The following HEATR6 variants were observed in gnomAD, a reference collection of about 807,000 sequenced individuals.
HEATR6 encodes HEAT repeat containing 6.
HEATR6 carries 106 observed loss-of-function variants against 132.8 expected under a neutral mutation model. The ratio of observed to expected loss-of-function variants is 0.80; its 90% CI spans 0.68 to 0.94. The LOEUF (loss-of-function observed/expected upper bound fraction) is 0.94. HEATR6 is among the 40% of genes least tolerant of loss of function. HEATR6 has a pLI of 0.00. For synonymous variants in HEATR6, 529 were observed against 537.8 expected (o/e 0.98, Z 0.23); for missense variants, 1,339 against 1,425.1 (o/e 0.94, Z 0.97).
At position 60,076,236 on chromosome 17, in the gene HEATR6, T is replaced by C. The variant is rs750915401; in HGVS notation, c.221A>G (p.Asp74Gly). The change falls in exon 2 of 20, where the codon GAC becomes GGC. Residue 74 changes from aspartate (D) to glycine (G), a missense_variant and splice_region_variant. Coordinates refer to ENST00000184956, the MANE Select transcript of HEATR6 (RefSeq NM_022070.5). ...AGCCTGGACAAGAAGAGCACTAACGTCCTACCAAAAAAAAAAAGATAAGAG... is the reference window on the plus strand; with the variant it reads ...AGCCTGGACAAGAAGAGCACTAACGCCCTACCAAAAAAAAAAAGATAAGAG... ...YSEGSGVAPEDVSALLVQACR... is the reference protein window; with the variant it reads ...YSEGSGVAPEGVSALLVQACR... 4.5e-6 allele frequency: 7 copies of C among 1,570,014 alleles called. No individual in the cohort carries two copies. In the African/African-American group the frequency reaches 9.6e-5, roughly 22 times the overall value.
rs527865988 is a variant in HEATR6, at chr17:60,060,633, A to C, written c.1417-537T>G. On this transcript the variant is annotated intron_variant, in intron 9 of 19. Coordinates refer to ENST00000184956, the MANE Select transcript of HEATR6 (RefSeq NM_022070.5). The stretch of plus-strand genomic sequence containing the variant: ...TGGGGTAGAAAAAACACATGTGCCT[A>C]GAGTCTGTTTCCTATTAAAGTTCCT... Among the ~76,000 whole-genome samples the C allele has an allele frequency of 2.0e-5, 3 of 152,338 alleles. No homozygotes were observed. The South Asian group carries it at 6.2e-4, about 32-fold the overall frequency.
At chr17:60,067,242 C>A (rs1280542036) in intron 8 of HEATR6, among the ~76,000 whole-genome samples, 192 bp downstream of exon 8, 1 of 144,266 alleles carries the variant, frequency 6.9e-6, no homozygotes, top group Non-Finnish European at 1.5e-5. Flanking sequence ...TGCACTCCAG[C>A]CTGGGCGACA....
At chr17:60,066,071 T>G (rs1432619433) in intron 9 of HEATR6, 138 bp downstream of exon 9, 2 of 684,000 alleles carry the variant, frequency 2.9e-6, no homozygotes, top group Non-Finnish European at 5.0e-6. Flanking sequence ...TTTTCCTGTC[T>G]GTCCAGTGGT....
rs763662691 is a variant in HEATR6, at chr17:60,056,150, C to T, written c.2167G>A (p.Glu723Lys). ...LGEVICKCMG[E>K]ADPSIQLHGA... The stretch of plus-strand genomic sequence containing the variant: ...TGAAGCTGAATGGATGGATCTGCTT[C>T]CCCCATGCACTTGCAAATCACCTCT... The change falls in exon 13 of 20, where the codon GAA becomes AAA. Residue 723 changes from glutamate to lysine, a missense_variant. Physicochemically the swap from Glu to Lys is moderately conservative, Grantham distance 56. Transcript: ENST00000184956. The T allele has an allele frequency of 2.5e-6, 4 of 1,613,932 alleles. No individual in the cohort carries two copies. In the Admixed American group the frequency reaches 6.7e-5, roughly 27 times the overall value.
At chr17:60,047,449 A>C (rs754915562) in intron 17 of HEATR6, 44 bp from the exon 18 acceptor site, 2 of 1,122,360 alleles carry the variant, frequency 1.8e-6, no homozygotes, top group Non-Finnish European at 2.7e-6. Flanking sequence ...AGGTAAATAC[A>C]CTTAAATATA....
intron 14 of HEATR6, among the ~76,000 whole-genome samples, chr17:60,054,358 A>T (rs1439014736): frequency 6.6e-6 from 1 of 152,250 alleles, no homozygotes; most frequent in Non-Finnish European, 1.5e-5. Context: ...ACAGGGACAG[A>T]GCCCCCACTG....
chr17:60,049,835 C>T, intron 15 of HEATR6, 133 bp from the exon 16 acceptor site: 1 of 952,462 alleles, frequency 1.0e-6, no homozygotes, highest in Non-Finnish European at 1.5e-6. Context: ...CTTGAGGCTA[C>T]CCTGGTAAAA....
At chr17:60,047,174 C>G (rs533339355) in intron 18 of HEATR6, 135 bp downstream of exon 18, 154 of 555,800 alleles carry the variant, frequency 2.8e-4, no homozygotes, top group Non-Finnish European at 4.4e-4. Context: ...CCTGAGCACA[C>G]CCTCAGTCTC....
Position 60,073,832 on chromosome 17 carries a change from T to C in HEATR6, c.382A>G (p.Ile128Val). ...DFLLAYTISAIHQCSSWTHRE... is the reference protein window; with the variant it reads ...DFLLAYTISAVHQCSSWTHRE... ...TGTGTCCAGGAACTACACTGATGAA[T>C]AGCCGAAATAGTATATGCCAACAGG... Residue 128 changes from isoleucine to valine, a missense_variant, in exon 3 of 20, where the codon ATT becomes GTT. Transcript: ENST00000184956. The C allele has an allele frequency of 6.2e-7, 1 of 1,613,990 alleles. No homozygotes were observed. The highest frequency in any genetic ancestry group is 8.5e-7 in the Non-Finnish European group (1 of 1,179,860).
In HEATR6 at chr17:60,072,290, AT is replaced by A; in HGVS notation, c.623del (p.Asn208MetfsTer8). 1 of 1,611,966 alleles carries A rather than the reference AT, an allele frequency of 6.2e-7. No individual in the cohort carries two copies. The highest frequency in any genetic ancestry group is 8.5e-7 in the Non-Finnish European group (1 of 1,178,526). ...TAGTCAGAAAAGCTTGGAAACAGAC[AT>A]TTTGGTAGGGCTCCTCCAAATACGG... ...GQPYLEEPYQ[N>X]VCFQAFLTIL... On this transcript the variant is annotated frameshift_variant, in exon 5 of 20. Coordinates refer to ENST00000184956, the MANE Select transcript of HEATR6 (RefSeq NM_022070.5). LOFTEE classifies it high-confidence loss of function.
intron 9 of HEATR6, 44 bp downstream of exon 9, chr17:60,066,165 A>T: frequency 6.7e-7 from 1 of 1,499,004 alleles, no homozygotes; most frequent in Non-Finnish European, 9.2e-7. Context: ...GGATCTGTAA[A>T]TTTTTTCTTC....
At chr17:60,077,694 T>G (rs188437547) in intron 1 of HEATR6, among the ~76,000 whole-genome samples, 1 of 152,154 alleles carries the variant, frequency 6.6e-6, no homozygotes, top group Non-Finnish European at 1.5e-5. Context: ...TTATGAACAA[T>G]TTTTTTTCCT....
intron 11 of HEATR6, 119 bp from the exon 12 acceptor site, chr17:60,057,522 T>G: frequency 4.7e-6 from 3 of 639,982 alleles, no homozygotes; most frequent in South Asian, 4.1e-5. Context: ...CTAATCAAAC[T>G]TCTAGACCTC....
In HEATR6 at chr17:60,070,811, G is replaced by C; in HGVS notation, c.700-4C>G. The C allele has an allele frequency of 6.7e-7, 1 of 1,488,424 alleles. No homozygotes were observed. The highest frequency in any genetic ancestry group is 9.4e-7 in the Non-Finnish European group (1 of 1,065,718). The allele number at this position is 1,488,424 out of a possible 1,614,324, so 92.2% of individuals were successfully genotyped here. ...CTTTTAATGCATTTTGCAATAACTA[G>C]GGGGAAAAGGGAGACCCAGTTAGAA... On this transcript the variant is annotated splice_region_variant and splice_polypyrimidine_tract_variant and intron_variant, in intron 5 of 19. Transcript: ENST00000184956.
chr17:60,075,380 A>T (rs554952103), intron 2 of HEATR6, among the ~76,000 whole-genome samples: 3 of 152,092 alleles, frequency 2.0e-5, no homozygotes, highest in Admixed American at 2.0e-4. Flanking sequence ...TTGTTTAGTG[A>T]CTCTGGGATG....
At chr17:60,059,547 CA>C in intron 10 of HEATR6, 26 bp from the exon 11 acceptor site, 1 of 1,501,414 alleles carries the variant, frequency 6.7e-7, no homozygotes, top group Non-Finnish European at 9.2e-7. Flanking sequence ...AGTAGCTCAT[CA>C]AAAGGCTTGA....
chr17:60,070,109 C>A (rs1187551596), intron 6 of HEATR6, among the ~76,000 whole-genome samples: 1 of 152,090 alleles, frequency 6.6e-6, no homozygotes, highest in Non-Finnish European at 1.5e-5. Context: ...GTTTTAGTTT[C>A]CTTATTTATT....
chr17:60,067,840 A>G, intron 7 of HEATR6, 108 bp from the exon 8 acceptor site: 1 of 872,116 alleles, frequency 1.1e-6, no homozygotes, highest in South Asian at 1.8e-5. Flanking sequence ...CCCAACATGT[A>G]GTTTAAAGAA....
chr17:60,059,212 A>C (rs1568623512), intron 11 of HEATR6, among the ~76,000 whole-genome samples: 1 of 152,172 alleles, frequency 6.6e-6, no homozygotes, highest in African/African-American at 2.4e-5. Context: ...CAAACTTTAC[A>C]ATTAATCCTC....
Sources: allele counts gnomAD v4.1 joint callset (sites outside exome capture counted in the v4.1 genomes callset), GRCh38; gene constraint gnomAD v4.1.1; transcripts MANE v1.5; gene names NCBI Gene and HGNC (gene_info 2026-07-23, HGNC 2026-07-21).